Variants in CSMD2 observed in about 807,000 individuals in gnomAD.
CSMD2 encodes CUB and Sushi multiple domains 2.
CSMD2 carries 130 observed loss-of-function variants against 398.5 expected under a neutral mutation model. The ratio of observed to expected loss-of-function variants is 0.33; its 90% CI spans 0.28 to 0.38. The LOEUF is 0.38. CSMD2 is among the 10% of genes least tolerant of loss of function. The pLI is 1.00. For missense variants in CSMD2, 3,829 were observed against 4,764.9 expected (o/e 0.80, Z 5.78); for synonymous variants, 1,828 against 1,908.5 (o/e 0.96, Z 1.10).
intron 25 of CSMD2, among the ~76,000 whole-genome samples, chr1:33,692,466 AACC>A (rs1347007494): frequency 1.3e-5 from 2 of 152,242 alleles, no homozygotes; most frequent in Non-Finnish European, 2.9e-5. Context: ...TGTCAGAAAT[AACC>A]ACAGCAACTG....
chr1:33,722,804 C>T (rs1422108880), intron 19 of CSMD2, among the ~76,000 whole-genome samples: 1 of 150,678 alleles, frequency 6.6e-6, no homozygotes, highest in Non-Finnish European at 1.5e-5. Flanking sequence ...TGGATTCTAC[C>T]TTTGTTGTTA....
intron 10 of CSMD2, among the ~76,000 whole-genome samples, chr1:33,798,617 C>A (rs1156612545): frequency 6.6e-6 from 1 of 152,144 alleles, no homozygotes; most frequent in Non-Finnish European, 1.5e-5. Context: ...TTACCCACAG[C>A]CAGAGCAGGC....
chr1:34,021,551 C>T lies in CSMD2; in HGVS notation c.517+11043G>A, dbSNP rs573485444. 6.6e-5 allele frequency among the ~76,000 whole-genome samples: 10 copies of T among 152,264 alleles called. No homozygotes were observed. In the East Asian group the frequency reaches 1.7e-3, roughly 27 times the overall value. On this transcript the variant is annotated intron_variant, in intron 3 of 70. Transcript: ENST00000373381. ...CTAGCCATGTTTGGGGGTCTCTGGG[C>T]CCCCCTGCCTTGAGCACGGTTATGG...
intron 5 of CSMD2, among the ~76,000 whole-genome samples, chr1:33,903,740 T>C (rs1007105334): frequency 2.6e-5 from 4 of 152,198 alleles, no homozygotes; most frequent in Non-Finnish European, 5.9e-5. Flanking sequence ...ATATCAGGTA[T>C]TGATGAATGT....
chr1:34,073,773 C>G (rs572457363), intron 2 of CSMD2, among the ~76,000 whole-genome samples: 1 of 152,300 alleles, frequency 6.6e-6, no homozygotes, highest in African/African-American at 2.4e-5. Context: ...CCTCTTTAGC[C>G]ACTATGTTAG....
At chr1:34,082,438 C>T (rs564667760) in intron 2 of CSMD2, among the ~76,000 whole-genome samples, 2,049 of 152,036 alleles carry the variant, frequency 0.013, 22 homozygotes, top group Admixed American at 0.021. Flanking sequence ...GCCTGGCAGC[C>T]GCCCCATCTG....
chr1:33,755,309 T>G (rs1390036312), intron 13 of CSMD2, among the ~76,000 whole-genome samples: 1 of 152,192 alleles, frequency 6.6e-6, no homozygotes, highest in Non-Finnish European at 1.5e-5. Context: ...GTTATCTTAA[T>G]GTCATCTCTG....
intron 3 of CSMD2, among the ~76,000 whole-genome samples, chr1:33,982,204 G>A (rs1021863338): frequency 6.6e-6 from 1 of 152,120 alleles, no homozygotes; most frequent in Non-Finnish European, 1.5e-5. Context: ...TTTCTTGGGG[G>A]GCTACTGGAT....
At chr1:33,759,519 G>A (rs557842949) in intron 13 of CSMD2, among the ~76,000 whole-genome samples, 1 of 151,972 alleles carries the variant, frequency 6.6e-6, no homozygotes, top group East Asian at 1.9e-4. Flanking sequence ...TAGAGATGGG[G>A]TTTCACGGTG....
chr1:33,856,312 G>A (rs1639085899), intron 5 of CSMD2, among the ~76,000 whole-genome samples: 1 of 152,146 alleles, frequency 6.6e-6, no homozygotes, highest in African/African-American at 2.4e-5. Context: ...AGGGGTAGAA[G>A]GACAGGGCAC....
intron 5 of CSMD2, among the ~76,000 whole-genome samples, chr1:33,865,122 G>C (rs541598694): frequency 5.9e-5 from 9 of 151,654 alleles, no homozygotes; most frequent in African/African-American, 2.2e-4. Context: ...CCGTGGTTCT[G>C]AGTGGTGATC....
intron 9 of CSMD2, 117 bp from the exon 10 acceptor site, chr1:33,810,981 C>T: frequency 8.8e-7 from 1 of 1,131,714 alleles, no homozygotes; most frequent in Non-Finnish European, 1.2e-6. Context: ...CTGGACATAA[C>T]CTTCTGCTTC....
Position 33,918,156 on chromosome 1 carries a change from G to A in CSMD2, c.858C>T (p.Asp286=), listed in dbSNP as rs1308870019. 6.2e-7 allele frequency: 1 copy of A among 1,614,172 alleles called. No individual in the cohort carries two copies. Among genetic ancestry groups the A allele is most frequent in the Non-Finnish European group, 8.5e-7 (1 of 1,180,034 alleles). ...LGDTIALVFI[D]FQLEDGYDFL... ...AGTCGTAACCATCCTCCAGCTGGAA[G>A]TCAATAAACACCAGGGCGATGGTGT... is the stretch of plus-strand genomic sequence containing the variant. The change falls in exon 5 of 71, where the codon GAC becomes GAT. Residue 286 remains aspartate, a synonymous_variant. Transcript: ENST00000373381.
intron 5 of CSMD2, among the ~76,000 whole-genome samples, chr1:33,847,615 T>A (rs1381012853): frequency 6.6e-6 from 1 of 152,132 alleles, no homozygotes; most frequent in Non-Finnish European, 1.5e-5. Context: ...AATATAATTT[T>A]CCTTTGTCTT....
In CSMD2 at chr1:33,514,860, C is replaced by T. The variant is rs904712838; in HGVS notation, c.*1764G>A. 3.3e-5 allele frequency: 5 copies of T among 152,166 alleles called. No homozygotes were observed. The highest frequency in any genetic ancestry group is 1.3e-4 in the Admixed American group (2 of 15,278). 9.4% of individuals were successfully genotyped at this position (152,166 alleles called of 1,614,324 possible). ...TTGTGTCTGCTGGAAATGGACGCCT[C>T]TCACTTTCCTCTGGCCACTCTTAAC... On this transcript the variant is annotated 3_prime_UTR_variant, in exon 71 of 71. Transcript: ENST00000373381.
At chr1:33,645,618 G>C (rs1364820838) in intron 29 of CSMD2, among the ~76,000 whole-genome samples, 2 of 152,188 alleles carry the variant, frequency 1.3e-5, no homozygotes, top group African/African-American at 2.4e-5. Flanking sequence ...GTGCTCGAGA[G>C]CCTGGAACTC....
At position 33,586,515 on chromosome 1, in the gene CSMD2, G is replaced by T. The variant is rs778988624; in HGVS notation, c.7040C>A (p.Pro2347Gln). The T allele has an allele frequency of 6.2e-7, 1 of 1,610,196 alleles. No individual in the cohort carries two copies. Among genetic ancestry groups the T allele is most frequent in the Non-Finnish European group, 8.5e-7 (1 of 1,176,652 alleles). The change falls in exon 46 of 71, where the codon CCG becomes CAG. Residue 2347 changes from proline (P) to glutamine (Q), a missense_variant. By Grantham distance (76) the Pro-to-Gln change is moderately conservative. Coordinates refer to ENST00000373381, the MANE Select transcript of CSMD2 (RefSeq NM_001281956.2). ...CTCCATGCAATTACCTTCACATATCGGGGGTGGTCCTTCAAACTGCAGGTA... is the reference window on the plus strand; with the variant it reads ...CTCCATGCAATTACCTTCACATATCTGGGGTGGTCCTTCAAACTGCAGGTA... The part of the protein sequence containing the change: ...GTYLQFEGPP[P>Q]ICEVHCPTNE...
intron 3 of CSMD2, among the ~76,000 whole-genome samples, chr1:33,968,480 A>G (rs555209569): frequency 6.6e-6 from 1 of 152,384 alleles, no homozygotes; most frequent in South Asian, 2.1e-4. Context: ...ACATTGTGTA[A>G]GACTCTGTCT....
chr1:34,120,735 G>T (rs1321190409), intron 1 of CSMD2, among the ~76,000 whole-genome samples: 7 of 152,118 alleles, frequency 4.6e-5, no homozygotes, highest in Non-Finnish European at 7.3e-5. Flanking sequence ...AGAAGAGACG[G>T]TGTTTCACCA....
Sources: gnomAD v4.1 joint callset for allele counts (sites outside exome capture counted in the v4.1 genomes callset) on GRCh38, gnomAD v4.1.1 for gene constraint, MANE v1.5 for transcripts, NCBI Gene and HGNC (gene_info 2026-07-23, HGNC 2026-07-21) for gene names.